Variants in HAPLN1 observed in about 807,000 individuals in gnomAD.
HAPLN1 encodes the protein Cartilage link protein.
Under a neutral mutation model 36.5 loss-of-function variants are expected in HAPLN1, and 13 were observed. The ratio of observed to expected loss-of-function variants is 0.36; its 90% CI spans 0.23 to 0.57. The LOEUF is 0.57. Among genes scored for constraint, HAPLN1 ranks in the 20% least tolerant of loss-of-function variants. The pLI, the probability that HAPLN1 is intolerant of heterozygous loss-of-function variation, is 0.83. For missense variants in HAPLN1, 407 were observed against 439.7 expected (o/e 0.93, Z 0.66); for synonymous variants, 202 against 169.8 (o/e 1.19, Z -1.48).
intron 1 of HAPLN1, among the ~76,000 whole-genome samples, chr5:83,717,831 GT>G (rs1420401750): frequency 1.3e-5 from 2 of 152,032 alleles, no homozygotes; most frequent in African/African-American, 4.8e-5. Flanking sequence ...CTAATTATTA[GT>G]GTTTGAGAGC....
At chr5:83,703,408 A>G (rs1751554667) in intron 1 of HAPLN1, 1 of 152,082 alleles carries the variant, frequency 6.6e-6, no homozygotes, top group African/African-American at 2.4e-5. Context: ...TGTAGTTTCC[A>G]GTTCTTTTTT....
rs768246020 is a variant in HAPLN1 at position 83,644,549 on chromosome 5, C to T, written c.589G>A (p.Ala197Thr). The T allele has an allele frequency of 3.7e-6, 6 of 1,604,780 alleles. No homozygotes were observed. Among genetic ancestry groups the T allele is most frequent in the Non-Finnish European group, 5.1e-6 (6 of 1,175,898 alleles). The part of the protein sequence containing the change: ...VIASFDQLYD[A>T]WRGGLDWCNA... ...CACCAGTCCAGCCCGCCCCGCCAGG[C>T]GTCGTACAGCTGGTCGAAGGAGGCG... The change falls in exon 4 of 5, where the codon GCC (alanine) becomes ACC (threonine). Residue 197 changes from alanine to threonine, a missense_variant. By Grantham distance (58) the Ala-to-Thr change is moderately conservative. Transcript: ENST00000274341.
At chr5:83,695,394 G>A (rs1022638312) in intron 1 of HAPLN1, among the ~76,000 whole-genome samples, 7 of 151,836 alleles carry the variant, frequency 4.6e-5, no homozygotes, top group African/African-American at 1.7e-4. Flanking sequence ...CCAAAGTGCT[G>A]GGATTACAGG....
chr5:83,653,853 G>A (rs1750143099), intron 2 of HAPLN1, among the ~76,000 whole-genome samples: 1 of 152,204 alleles, frequency 6.6e-6, no homozygotes, highest in Non-Finnish European at 1.5e-5. Context: ...TTTTGACCTT[G>A]ACAGTGTCTC....
Position 83,652,802 on chromosome 5 carries a change from A to C in HAPLN1, c.123T>G (p.Leu41=). The change falls in exon 3 of 5, where the codon CTT becomes CTG. Residue 41 remains leucine (L), a synonymous_variant. Transcript: ENST00000274341. The stretch of plus-strand genomic sequence containing the variant: ...ACACCTTGGCTTGCTCTGCTTCCAC[A>C]AGTAGATGGGGGCCATTTTCTGCTA... ...HIQAENGPHL[L]VEAEQAKVFS... The C allele has an allele frequency of 6.3e-7, 1 of 1,594,422 alleles. No homozygotes were observed. Among genetic ancestry groups the C allele is most frequent in the Non-Finnish European group, 8.6e-7 (1 of 1,166,996 alleles).
intron 1 of HAPLN1, among the ~76,000 whole-genome samples, chr5:83,683,466 T>C (rs1751050992): frequency 6.6e-6 from 1 of 152,164 alleles, no homozygotes; most frequent in Non-Finnish European, 1.5e-5. Flanking sequence ...AAAGCAATGG[T>C]AGTGCCATGA....
At chr5:83,694,079 T>C (rs2112622789) in intron 1 of HAPLN1, among the ~76,000 whole-genome samples, 1 of 152,042 alleles carries the variant, frequency 6.6e-6, no homozygotes, top group East Asian at 1.9e-4. Flanking sequence ...TGTAAAAGGA[T>C]TTACGTGAGG....
intron 1 of HAPLN1, among the ~76,000 whole-genome samples, chr5:83,705,452 T>A (rs950995836): frequency 6.8e-6 from 1 of 146,190 alleles, no homozygotes; most frequent in African/African-American, 2.5e-5. Context: ...TACATGGAAA[T>A]TAAACAACGT....
chr5:83,718,202 C>A (rs1054754254), intron 1 of HAPLN1, among the ~76,000 whole-genome samples: 2 of 152,180 alleles, frequency 1.3e-5, no homozygotes, highest in African/African-American at 4.8e-5. Context: ...ATCTTAAATA[C>A]AACCAGTAGG....
chr5:83,719,781 A>G (rs1751982890), intron 1 of HAPLN1, among the ~76,000 whole-genome samples: 1 of 152,236 alleles, frequency 6.6e-6, no homozygotes, highest in South Asian at 2.1e-4. Context: ...AGTTACCAGA[A>G]ACTACAATTG....
intron 1 of HAPLN1, among the ~76,000 whole-genome samples, chr5:83,697,279 T>C (rs545394361): frequency 6.6e-6 from 1 of 152,284 alleles, no homozygotes; most frequent in African/African-American, 2.4e-5. Context: ...CTGATGTAAA[T>C]TGAATCATAT....
chr5:83,699,951 T>C (rs1444199027), intron 1 of HAPLN1, among the ~76,000 whole-genome samples: 5 of 152,120 alleles, frequency 3.3e-5, no homozygotes, highest in Admixed American at 3.3e-4. Context: ...ATCTCAGCAC[T>C]GTGGGAGGCC....
chr5:83,709,518 G>T (rs1751728592), intron 1 of HAPLN1, among the ~76,000 whole-genome samples: 1 of 149,856 alleles, frequency 6.7e-6, no homozygotes, highest in African/African-American at 2.4e-5. Flanking sequence ...TTTTATTTTA[G>T]ATTCAGGGAG....
intron 3 of HAPLN1, among the ~76,000 whole-genome samples, chr5:83,646,025 T>C (rs1434857684): frequency 6.6e-6 from 1 of 152,204 alleles, no homozygotes; most frequent in African/African-American, 2.4e-5. Flanking sequence ...TCGTATTTGA[T>C]TTTGCCTAGG....
rs77895854 is a variant in HAPLN1, at chr5:83,702,673, C to T, written c.-27+18116G>A. Among the ~76,000 whole-genome samples, 1,479 of 152,230 alleles carry T rather than the reference C, an allele frequency of 9.7e-3. 26 individuals are homozygous for T. Among genetic ancestry groups the T allele is most frequent in the African/African-American group, 0.034 (1,400 of 41,542 alleles). ...TTTCCAACTAGCTGATTTTCTTACT[C>T]GTTAGTCTGTCTAGTGTCTTTTGTT... On this transcript the variant is annotated intron_variant, in intron 1 of 4. Transcript: ENST00000274341.
intron 4 of HAPLN1, among the ~76,000 whole-genome samples, chr5:83,642,033 A>T: frequency 6.6e-6 from 1 of 152,192 alleles, no homozygotes; most frequent in South Asian, 2.1e-4. Flanking sequence ...AGAAAAGGGA[A>T]ATGGCAGATG....
chr5:83,677,200 G>A (rs1332512691), intron 1 of HAPLN1, among the ~76,000 whole-genome samples: 1 of 152,132 alleles, frequency 6.6e-6, no homozygotes, highest in Non-Finnish European at 1.5e-5. Context: ...CAACTCAATT[G>A]AGGTAAGTAT....
chr5:83,652,540 G>T lies in HAPLN1; in HGVS notation c.385C>A (p.Leu129Ile). The change falls in exon 3 of 5, where the codon CTC becomes ATC. Residue 129 changes from leucine to isoleucine, a missense_variant. Leu to Ile is a conservative substitution (Grantham distance 5, BLOSUM62 2). Coordinates refer to ENST00000274341, the MANE Select transcript of HAPLN1 (RefSeq NM_001884.4). ...DSDASLVITD[L>I]TLEDYGRYKC... ...TATCTCCCATAATCTTCCAGAGTGA[G>T]GTCTGTGATGACCAGAGAAGCATCA... is the stretch of plus-strand genomic sequence containing the variant. The T allele has an allele frequency of 6.2e-7, 1 of 1,614,104 alleles. No individual in the cohort carries two copies. The highest frequency in any genetic ancestry group is 8.5e-7 in the Non-Finnish European group (1 of 1,179,984).
At chr5:83,675,811 C>T (rs1420485728) in intron 1 of HAPLN1, among the ~76,000 whole-genome samples, 1 of 152,128 alleles carries the variant, frequency 6.6e-6, no homozygotes, top group Admixed American at 6.6e-5. Context: ...TCATGGATTC[C>T]TTAGAACAAT....
Sources: gnomAD v4.1 joint callset for allele counts (sites outside exome capture counted in the v4.1 genomes callset) on GRCh38, gnomAD v4.1.1 for gene constraint, MANE v1.5 for transcripts, NCBI Gene and HGNC (gene_info 2026-07-23, HGNC 2026-07-21) for gene names.